The following TMEFF2 variants were observed in gnomAD, a reference collection of about 807,000 sequenced individuals.
TMEFF2 encodes the protein tomoregulin-2.
A neutral mutation model predicts 53.8 loss-of-function variants in TMEFF2; 28 were observed. That is an observed-to-expected ratio of 0.52 (90% CI 0.39 to 0.71). The LOEUF is 0.71. Among genes scored for constraint, TMEFF2 ranks in the 30% least tolerant of loss-of-function variants. The pLI is 0.00. For missense variants in TMEFF2, 353 were observed against 455.2 expected, an observed-to-expected ratio of 0.78 and a Z score of 2.04; for synonymous variants, 162 against 166.3, an observed-to-expected ratio of 0.97 and a Z score of 0.20.
rs187738004 is a variant in TMEFF2, at chr2:192,168,338, C to T, written c.439+11330G>A. Among the ~76,000 whole-genome samples the T allele has an allele frequency of 2.6e-4, 40 of 152,116 alleles. No homozygotes were observed. The East Asian group carries it at 6.2e-3, about 24-fold the overall frequency. Reference sequence around the variant, plus strand: ...AAAAAGACAGTCCCCTGCCACCCACCCCCCACAACTGGTTCAATGTCAAAT... The same window carrying T: ...AAAAAGACAGTCCCCTGCCACCCACTCCCCACAACTGGTTCAATGTCAAAT... On this transcript the variant is annotated intron_variant, in intron 4 of 9. Transcript: ENST00000272771.
At chr2:192,065,844 A>C (rs1433171527) in intron 4 of TMEFF2, among the ~76,000 whole-genome samples, 1 of 151,776 alleles carries the variant, frequency 6.6e-6, no homozygotes, top group Admixed American at 6.6e-5. Context: ...ATAAAAAGAA[A>C]ATTTTAAATA....
intron 4 of TMEFF2, among the ~76,000 whole-genome samples, chr2:192,095,502 T>C (rs61293768): frequency 0.013 from 2,000 of 152,140 alleles, 53 homozygotes; most frequent in African/African-American, 0.045. Flanking sequence ...AATAAAATTA[T>C]ACAGTTATGA....
chr2:192,049,488 CT>C (rs1347244042), intron 5 of TMEFF2, among the ~76,000 whole-genome samples: 1 of 152,136 alleles, frequency 6.6e-6, no homozygotes, highest in Non-Finnish European at 1.5e-5. Flanking sequence ...CTATTATTAT[CT>C]TTGAGACTGG....
At chr2:191,982,278 T>C (rs943208502) in intron 7 of TMEFF2, among the ~76,000 whole-genome samples, 2 of 152,114 alleles carry the variant, frequency 1.3e-5, no homozygotes, top group Non-Finnish European at 2.9e-5. Context: ...AGATTATCTA[T>C]CTAAGATCTG....
At chr2:192,065,232 A>G (rs1050407581) in intron 4 of TMEFF2, among the ~76,000 whole-genome samples, 5 of 151,750 alleles carry the variant, frequency 3.3e-5, no homozygotes, top group Admixed American at 6.6e-5. Context: ...TACTTTATGC[A>G]TGGTTCAAAT....
intron 5 of TMEFF2, chr2:192,030,621 C>T (rs1687107427): frequency 6.6e-6 from 1 of 151,924 alleles, no homozygotes; most frequent in Non-Finnish European, 1.5e-5. Flanking sequence ...CTGACAAGCC[C>T]ATGGATGTCT....
chr2:192,173,737 C>T (rs1013387221), intron 4 of TMEFF2, among the ~76,000 whole-genome samples: 1 of 151,734 alleles, frequency 6.6e-6, no homozygotes, highest in African/African-American at 2.4e-5. Context: ...ATTCCACTTG[C>T]TTTCAGGAGT....
intron 5 of TMEFF2, among the ~76,000 whole-genome samples, chr2:192,000,809 T>C (rs1686339159): frequency 6.6e-6 from 1 of 152,214 alleles, no homozygotes; most frequent in Non-Finnish European, 1.5e-5. Context: ...GAATGCCTGG[T>C]TATTTTTACA....
intron 5 of TMEFF2, among the ~76,000 whole-genome samples, chr2:192,018,588 G>A (rs1013959803): frequency 1.3e-5 from 2 of 152,040 alleles, no homozygotes; most frequent in African/African-American, 4.8e-5. Context: ...GCAATGCTGG[G>A]TGGGGATCAG....
intron 7 of TMEFF2, among the ~76,000 whole-genome samples, chr2:191,976,944 C>T (rs1685744196): frequency 6.6e-6 from 1 of 152,208 alleles, no homozygotes; most frequent in South Asian, 2.1e-4. Context: ...TTATGCCTGT[C>T]TGGCACACAG....
chr2:192,138,192 G>A (rs1388716303), intron 4 of TMEFF2, among the ~76,000 whole-genome samples: 1 of 152,186 alleles, frequency 6.6e-6, no homozygotes, highest in Non-Finnish European at 1.5e-5. Flanking sequence ...ACTACAATGT[G>A]TTAGGATGCA....
chr2:192,084,266 G>T (rs577201727), intron 4 of TMEFF2, among the ~76,000 whole-genome samples: 3 of 152,032 alleles, frequency 2.0e-5, no homozygotes, highest in Non-Finnish European at 4.4e-5. Flanking sequence ...CAAAACACCC[G>T]CAATATTTAC....
intron 4 of TMEFF2, among the ~76,000 whole-genome samples, chr2:192,087,053 A>G (rs1226162677): frequency 1.3e-5 from 2 of 150,268 alleles, no homozygotes; most frequent in Admixed American, 1.3e-4. Flanking sequence ...ATTTATTGTA[A>G]ATATTGATTT....
intron 4 of TMEFF2, among the ~76,000 whole-genome samples, chr2:192,171,929 T>C (rs1690923664): frequency 6.6e-6 from 1 of 151,988 alleles, no homozygotes; most frequent in Non-Finnish European, 1.5e-5. Context: ...TGTTTTATAT[T>C]TTACAGATCT....
At chr2:192,062,725 T>C (rs1369387683) in intron 4 of TMEFF2, among the ~76,000 whole-genome samples, 1 of 152,176 alleles carries the variant, frequency 6.6e-6, no homozygotes, top group African/African-American at 2.4e-5. Context: ...TTGATCTTGG[T>C]ATATTAACTT....
chr2:192,121,683 C>T (rs1689557587), intron 4 of TMEFF2, among the ~76,000 whole-genome samples: 1 of 152,168 alleles, frequency 6.6e-6, no homozygotes, highest in African/African-American at 2.4e-5. Flanking sequence ...CAAGATTCCA[C>T]ACCACACTAA....
chr2:192,159,579 A>C (rs1055915138), intron 4 of TMEFF2, among the ~76,000 whole-genome samples: 1 of 152,182 alleles, frequency 6.6e-6, no homozygotes, highest in Non-Finnish European at 1.5e-5. Context: ...GTATGGACTT[A>C]ACATCTAATA....
chr2:192,101,300 A>G (rs1417210126), intron 4 of TMEFF2, among the ~76,000 whole-genome samples: 1 of 152,180 alleles, frequency 6.6e-6, no homozygotes, highest in Non-Finnish European at 1.5e-5. Context: ...TAGTTGTGTG[A>G]TATTACCAAA....
chr2:192,021,307 G>T (rs1248326448), intron 5 of TMEFF2, among the ~76,000 whole-genome samples: 1 of 152,100 alleles, frequency 6.6e-6, no homozygotes, highest in Non-Finnish European at 1.5e-5. Flanking sequence ...ATTATTGAAG[G>T]TTCCAGAGTA....
Sources: allele counts gnomAD v4.1 joint callset (sites outside exome capture counted in the v4.1 genomes callset), GRCh38; gene constraint gnomAD v4.1.1; transcripts MANE v1.5; gene names NCBI Gene and HGNC (gene_info 2026-07-23, HGNC 2026-07-21).